SEPTIN7: variants seen among roughly 807,000 people sequenced by gnomAD.
SEPTIN7 encodes the protein septin-7.
In SEPTIN7, 10 loss-of-function variants were observed where a neutral mutation model predicts 63.3. The observed-to-expected ratio is 0.16, with a 90% CI of 0.10 to 0.27. SEPTIN7 has a LOEUF of 0.27. SEPTIN7 is among the 10% of genes least tolerant of loss of function. The probability of loss-of-function intolerance (pLI) is 1.00; values close to 1 mark genes in which losing one functional copy is unlikely to be tolerated. For synonymous variants in SEPTIN7, 131 were observed against 165.3 expected, an observed-to-expected ratio of 0.79 and a Z score of 1.59; for missense variants, 310 against 521.0, an observed-to-expected ratio of 0.59 and a Z score of 3.94.
At chr7:35,838,322 C>T (rs1583537515) in intron 3 of SEPTIN7, among the ~76,000 whole-genome samples, 1 of 1,218 alleles carries the variant, frequency 8.2e-4, no homozygotes, top group Non-Finnish European at 1.5e-3. Flanking sequence ...CCCTCCCTCC[C>T]TCCCTCCCTC....
chr7:35,886,618 TTC>T (rs1388745767), intron 10 of SEPTIN7, among the ~76,000 whole-genome samples: 1 of 152,216 alleles, frequency 6.6e-6, no homozygotes, highest in Non-Finnish European at 1.5e-5. Context: ...TTTCCCACTT[TTC>T]TCTCTTGCTT....
At chr7:35,836,001 C>A (rs1784070227) in intron 3 of SEPTIN7, among the ~76,000 whole-genome samples, 1 of 152,062 alleles carries the variant, frequency 6.6e-6, no homozygotes, top group Non-Finnish European at 1.5e-5. Flanking sequence ...ATTTTTTTCA[C>A]AGCACACTGA....
At chr7:35,812,057 G>T (rs1233340298) in intron 1 of SEPTIN7, 3 of 251,222 alleles carry the variant, frequency 1.2e-5, no homozygotes, top group Non-Finnish European at 2.5e-5. Flanking sequence ...AACCTAGGAG[G>T]CAGAGGTTGC....
At chr7:35,887,386 C>G (rs1326596161) in intron 10 of SEPTIN7, among the ~76,000 whole-genome samples, 1 of 152,216 alleles carries the variant, frequency 6.6e-6, no homozygotes, top group Non-Finnish European at 1.5e-5. Flanking sequence ...GTCTCACTTT[C>G]TTGCCCAGGC....
chr7:35,839,998 T>G (rs1449534417), intron 3 of SEPTIN7, among the ~76,000 whole-genome samples: 1 of 152,236 alleles, frequency 6.6e-6, no homozygotes, highest in Non-Finnish European at 1.5e-5. Flanking sequence ...TTTTATTTAT[T>G]TGTTAATAAT....
Position 35,905,415 on chromosome 7 carries a change from A to G in SEPTIN7, c.*1122A>G, listed in dbSNP as rs1418526556. On this transcript the variant is annotated 3_prime_UTR_variant, in exon 14 of 14. Transcript: ENST00000350320. ...CCTCCTCTACAATGACATCTTTTAT[A>G]TGCTTGTCTCATTTAGAATGCATAT... 1 of 152,266 alleles carries G rather than the reference A, an allele frequency of 6.6e-6. No homozygotes were observed. Among genetic ancestry groups the G allele is most frequent in the South Asian group, 2.1e-4 (1 of 4,836 alleles). 9.4% of individuals were successfully genotyped at this position (152,266 alleles called of 1,614,324 possible). A position where few individuals can be genotyped will look rare whatever the true frequency, so the allele number is the denominator to read the frequency against.
At chr7:35,852,816 C>CT (rs1785025382) in intron 3 of SEPTIN7, among the ~76,000 whole-genome samples, 1 of 152,050 alleles carries the variant, frequency 6.6e-6, no homozygotes, top group Admixed American at 6.6e-5. Context: ...ATACAATAAC[C>CT]TACAAATACC....
intron 12 of SEPTIN7, chr7:35,898,974 C>A (rs2116375665): frequency 6.6e-6 from 1 of 152,210 alleles, no homozygotes; most frequent in African/African-American, 2.4e-5. Flanking sequence ...GACAAAACAT[C>A]CCAGAAGACA....
At chr7:35,888,117 G>A (rs1166624166) in intron 10 of SEPTIN7, among the ~76,000 whole-genome samples, 1 of 152,084 alleles carries the variant, frequency 6.6e-6, no homozygotes, top group African/African-American at 2.4e-5. Flanking sequence ...AAATCAAATG[G>A]GGAAAGAAAA....
intron 11 of SEPTIN7, among the ~76,000 whole-genome samples, chr7:35,891,823 G>A (rs2116338173): frequency 6.6e-6 from 1 of 152,146 alleles, no homozygotes; most frequent in African/African-American, 2.4e-5. Flanking sequence ...TTCTTTTGTA[G>A]TAACACTTAG....
intron 1 of SEPTIN7, among the ~76,000 whole-genome samples, chr7:35,808,745 A>G (rs887910337): frequency 6.6e-6 from 1 of 152,256 alleles, no homozygotes; most frequent in Non-Finnish European, 1.5e-5. Context: ...CTAGTGATTA[A>G]GTATCAACAT....
chr7:35,862,566 G>C (rs1445700156), intron 3 of SEPTIN7, among the ~76,000 whole-genome samples: 2 of 151,930 alleles, frequency 1.3e-5, no homozygotes, highest in African/African-American at 4.8e-5. Context: ...AGACATTTTT[G>C]CATTTTTACA....
intron 3 of SEPTIN7, among the ~76,000 whole-genome samples, chr7:35,860,170 T>TTATAGGG (rs1438153333): frequency 6.6e-6 from 1 of 151,970 alleles, no homozygotes; most frequent in African/African-American, 2.4e-5. Flanking sequence ...AGGGATAATA[T>TTATAGGG]ATAATATCCT....
intron 3 of SEPTIN7, among the ~76,000 whole-genome samples, chr7:35,836,427 CATTTCTGTAATCTTGA>C (rs1175644587): frequency 6.6e-6 from 1 of 152,150 alleles, no homozygotes; most frequent in Non-Finnish European, 1.5e-5. Flanking sequence ...AAAATTCAGT[CATTTCTGTAATCTTGA>C]ACTTTGCAAA....
Position 35,904,426 on chromosome 7 carries a change from A to ATTT in SEPTIN7, c.*142_*144dup. On this transcript the variant is annotated 3_prime_UTR_variant, in exon 14 of 14. Coordinates refer to ENST00000350320, the MANE Select transcript of SEPTIN7 (RefSeq NM_001788.6). Reference sequence around the variant, plus strand: ...TGGATTTAACAGCATGACAAAAATTATTTTTTTTTTTGTTCTTGATGGAGA... The same window carrying ATTT: ...TGGATTTAACAGCATGACAAAAATTATTTTTTTTTTTTTTGTTCTTGATGGAGA... 2.0e-6 allele frequency: 1 copy of ATTT among 508,912 alleles called. No individual in the cohort carries two copies. The highest frequency in any genetic ancestry group is 4.3e-5 in the South Asian group (1 of 23,118). The allele number at this position is 508,912 out of a possible 1,614,324, so 31.5% of individuals were successfully genotyped here.
intron 1 of SEPTIN7, among the ~76,000 whole-genome samples, chr7:35,807,741 A>G (rs537726768): frequency 6.6e-6 from 1 of 151,518 alleles, no homozygotes; most frequent in East Asian, 2.0e-4. Context: ...CAGGTGATCC[A>G]CCTGCCTTGG....
rs149582432 is a variant in SEPTIN7, at chr7:35,889,690, C to T, written c.873-978C>T. 8.4e-3 allele frequency among the ~76,000 whole-genome samples: 1,274 copies of T among 152,206 alleles called. 19 individuals are homozygous for T. Among genetic ancestry groups the T allele is most frequent in the African/African-American group, 0.03 (1,238 of 41,528 alleles). On this transcript the variant is annotated intron_variant, in intron 10 of 13. Coordinates refer to ENST00000350320, the MANE Select transcript of SEPTIN7 (RefSeq NM_001788.6). ...TCCCAAGTAGCTGGGATTATAGGTGCTTGCCACCACGCCCAACTGATTTTT... is the reference window on the plus strand; with the variant it reads ...TCCCAAGTAGCTGGGATTATAGGTGTTTGCCACCACGCCCAACTGATTTTT...
intron 9 of SEPTIN7, among the ~76,000 whole-genome samples, chr7:35,884,689 T>G (rs951772149): frequency 1.3e-5 from 2 of 152,254 alleles, no homozygotes; most frequent in South Asian, 4.1e-4. Context: ...ACATCCACAG[T>G]CTTCTTTCCT....
intron 4 of SEPTIN7, among the ~76,000 whole-genome samples, chr7:35,865,555 G>T (rs1785766206): frequency 6.6e-6 from 1 of 151,620 alleles, no homozygotes; most frequent in Admixed American, 6.6e-5. Context: ...TTGGGTTTCA[G>T]TTTTTTACTA....
Sources: allele counts gnomAD v4.1 joint callset (sites outside exome capture counted in the v4.1 genomes callset), GRCh38; gene constraint gnomAD v4.1.1; transcripts MANE v1.5; gene names NCBI Gene and HGNC (gene_info 2026-07-23, HGNC 2026-07-21).